IMPG1: variants seen among roughly 807,000 people sequenced by gnomAD.
IMPG1 encodes the protein interphotoreceptor matrix proteoglycan 1, also known as interphotoreceptor matrix proteoglycan of 150 kDa.
Under a neutral mutation model 92.0 loss-of-function variants are expected in IMPG1, and 85 were observed. The observed-to-expected ratio is 0.92, with a 90% confidence interval of 0.78 to 1.11. IMPG1 has a LOEUF of 1.11. IMPG1 is among the 50% of genes least tolerant of loss of function. IMPG1 has a pLI of 0.00. For missense variants in IMPG1, 1,022 were observed against 956.0 expected, an observed-to-expected ratio of 1.07 and a Z score of -0.91; for synonymous variants, 367 against 334.1, an observed-to-expected ratio of 1.10 and a Z score of -1.08.
chr6:76,051,941 G>A (rs771324948), intron 1 of IMPG1, among the ~76,000 whole-genome samples: 1 of 151,756 alleles, frequency 6.6e-6, no homozygotes, highest in Non-Finnish European at 1.5e-5. Context: ...TATTCCATAC[G>A]TGTACATATG....
At chr6:75,944,005 G>A (rs894427473) in intron 14 of IMPG1, among the ~76,000 whole-genome samples, 1 of 152,214 alleles carries the variant, frequency 6.6e-6, no homozygotes, top group Non-Finnish European at 1.5e-5. Context: ...GGGCAGGGAT[G>A]GATTTTCATG....
intron 14 of IMPG1, among the ~76,000 whole-genome samples, chr6:75,943,482 C>G (rs1327995153): frequency 6.6e-6 from 1 of 152,230 alleles, no homozygotes; most frequent in Non-Finnish European, 1.5e-5. Context: ...TCTGCACATG[C>G]TGGCTCCCCT....
intron 12 of IMPG1, among the ~76,000 whole-genome samples, chr6:76,001,382 G>A (rs76248608): frequency 2.6e-5 from 4 of 152,322 alleles, no homozygotes; most frequent in Non-Finnish European, 5.9e-5. Flanking sequence ...ATGGATTGTG[G>A]TTAATTATAA....
intron 12 of IMPG1, among the ~76,000 whole-genome samples, chr6:75,991,125 GT>G (rs1782806823): frequency 6.6e-6 from 1 of 152,148 alleles, no homozygotes; most frequent in African/African-American, 2.4e-5. Context: ...GGACACGGTG[GT>G]TCACGCCTAT....
At chr6:76,018,886 T>TAG in intron 6 of IMPG1, 28 bp from the exon 7 acceptor site, 1 of 1,527,928 alleles carries the variant, frequency 6.5e-7, no homozygotes, top group Non-Finnish European at 8.9e-7. Context: ...AAAAAGGACT[T>TAG]CTGTTAACCT....
chr6:76,007,238 A>G (rs138753996), intron 9 of IMPG1, among the ~76,000 whole-genome samples: 3,997 of 152,302 alleles, frequency 0.026, 85 homozygotes, highest in Non-Finnish European at 0.044. Flanking sequence ...GAGTATGATA[A>G]AATCCTGTTC....
rs763285553 is a variant in IMPG1, at chr6:76,041,911, C to T, written c.283G>A (p.Ala95Thr). Residue 95 changes from alanine (A) to threonine (T), a missense_variant, in exon 2 of 17, where the codon GCT becomes ACT. This residue lies in a region of IMPG1 where 681 missense variants were observed against 583.6 expected (regional missense o/e 1.17). Transcript: ENST00000369950. ...TCCTTACCTCTCAATCTATAATAAGCTTGAAGACTGTCTAAAATCTGTTTC... is the reference window on the plus strand; with the variant it reads ...TCCTTACCTCTCAATCTATAATAAGTTTGAAGACTGTCTAAAATCTGTTTC... ...SMKQILDSLQ[A>T]YYRLRVCQEA... is the part of the protein sequence containing the mutation. 7 of 1,604,866 alleles carry T rather than the reference C, an allele frequency of 4.4e-6. No individual in the cohort carries two copies. Among genetic ancestry groups the T allele is most frequent in the South Asian group, 1.1e-5 (1 of 90,900 alleles).
intron 14 of IMPG1, among the ~76,000 whole-genome samples, chr6:75,933,915 G>A (rs1781700475): frequency 1.3e-5 from 2 of 152,306 alleles, no homozygotes; most frequent in Middle Eastern, 3.4e-3. Flanking sequence ...ATTTTCATCG[G>A]TGAGAAAACG....
At chr6:75,938,615 C>G (rs1298762603) in intron 14 of IMPG1, among the ~76,000 whole-genome samples, 2 of 152,160 alleles carry the variant, frequency 1.3e-5, no homozygotes, top group African/African-American at 4.8e-5. Context: ...GAGTTTGAGA[C>G]CAGCCTGGCC....
At position 76,007,518 on chromosome 6, in the gene IMPG1, C is replaced by G; in HGVS notation, c.867-18G>C. On this transcript the variant is annotated intron_variant, in intron 8 of 16. Coordinates refer to ENST00000369950, the MANE Select transcript of IMPG1 (RefSeq NM_001563.4). ...TCTTTGGTCTTCATTTCATCATGCA[C>G]AATGGAAACATGAAAAAGAGAAAAA... The G allele has an allele frequency of 6.3e-7, 1 of 1,575,344 alleles. No individual in the cohort carries two copies. The highest frequency in any genetic ancestry group is 1.4e-5 in the African/African-American group (1 of 73,472).
intron 12 of IMPG1, among the ~76,000 whole-genome samples, chr6:76,001,109 T>C (rs1180842721): frequency 6.6e-6 from 1 of 152,236 alleles, no homozygotes. Context: ...GCTTTAGTGT[T>C]CTATGGTATA....
intron 12 of IMPG1, among the ~76,000 whole-genome samples, chr6:75,978,815 G>A (rs777057464): frequency 2.0e-5 from 3 of 152,170 alleles, no homozygotes; most frequent in African/African-American, 4.8e-5. Context: ...TATTGAGCAC[G>A]TTTGGTGTAC....
chr6:75,932,734 C>T (rs1781685190), intron 14 of IMPG1, among the ~76,000 whole-genome samples: 1 of 151,874 alleles, frequency 6.6e-6, no homozygotes, highest in Non-Finnish European at 1.5e-5. Context: ...GAGTCTCGCT[C>T]TTATTCCCTA....
chr6:76,026,471 G>T (rs1170437908), intron 4 of IMPG1, among the ~76,000 whole-genome samples: 1 of 152,030 alleles, frequency 6.6e-6, no homozygotes, highest in African/African-American at 2.4e-5. Flanking sequence ...CATTCTCAGG[G>T]TCAAAAAAGG....
At chr6:75,981,599 T>C (rs1782629133) in intron 12 of IMPG1, among the ~76,000 whole-genome samples, 1 of 152,226 alleles carries the variant, frequency 6.6e-6, no homozygotes, top group Non-Finnish European at 1.5e-5. Flanking sequence ...AAAAGAGAAC[T>C]GGTAAGATAG....
rs142314818 is a variant in IMPG1, at chr6:75,958,034, C to T, written c.1292-6940G>A. Among the ~76,000 whole-genome samples the T allele has an allele frequency of 4.5e-3, 686 of 152,264 alleles. 8 individuals are homozygous for T. The highest frequency in any genetic ancestry group is 0.016 in the African/African-American group (657 of 41,558). On this transcript the variant is annotated intron_variant, in intron 12 of 16. Transcript: ENST00000369950. ...TTTACAATTTGGTATGTTTTTGCAG[C>T]GGCTGTTACCAGTTGTTCCTTTTCA...
rs1050414937 is a variant in IMPG1 at position 75,924,942 on chromosome 6, T to C, written c.2244-1236A>G. Among the ~76,000 whole-genome samples the C allele has an allele frequency of 9.4e-5, 14 of 149,684 alleles. No individual in the cohort carries two copies. In the Admixed American group the frequency reaches 9.5e-4, roughly 10 times the overall value. On this transcript the variant is annotated intron_variant, in intron 15 of 16. Transcript: ENST00000369950. ...AAGCTGATCTTATAGAAATACAAAA[T>C]AGAACAGTAGTTACCAGAGACTGGG...
intron 12 of IMPG1, among the ~76,000 whole-genome samples, chr6:75,981,011 C>G (rs1782618506): frequency 6.6e-6 from 1 of 152,098 alleles, no homozygotes; most frequent in Admixed American, 6.6e-5. Flanking sequence ...AGTTTGAGAA[C>G]ACTGGTAGAG....
At chr6:76,038,090 C>T (rs1361437358) in intron 2 of IMPG1, among the ~76,000 whole-genome samples, 1 of 152,142 alleles carries the variant, frequency 6.6e-6, no homozygotes. Context: ...GCTATGTAGC[C>T]TGAGGATGCA....
Sources: allele counts gnomAD v4.1 joint callset (sites outside exome capture counted in the v4.1 genomes callset), GRCh38; gene constraint gnomAD v4.1.1; regional missense constraint gnomAD v4.1.1; transcripts MANE v1.5; gene names NCBI Gene and HGNC (gene_info 2026-07-23, HGNC 2026-07-21).